ITGB8: variants seen among roughly 807,000 people sequenced by gnomAD.
The protein encoded by ITGB8 is integrin subunit beta 8.
In ITGB8, 30 loss-of-function variants were observed where a neutral mutation model predicts 89.5. The ratio of observed to expected loss-of-function variants is 0.34; its 90% CI spans 0.25 to 0.45. ITGB8 has a LOEUF of 0.45. ITGB8 is among the 20% of genes least tolerant of loss of function. The pLI is 1.00. For synonymous variants in ITGB8, 335 were observed against 320.4 expected (o/e 1.05, Z -0.49); for missense variants, 836 against 933.3 (o/e 0.90, Z 1.36).
At chr7:20,396,623 T>C (rs1410022681) in intron 8 of ITGB8, among the ~76,000 whole-genome samples, 2 of 151,994 alleles carry the variant, frequency 1.3e-5, no homozygotes, top group Admixed American at 6.6e-5. Context: ...AAGAGGGACT[T>C]ATCACAGAAA....
In ITGB8 at chr7:20,379,126, T is replaced by A; in HGVS notation, c.464T>A (p.Val155Asp). The A allele has an allele frequency of 6.2e-7, 1 of 1,600,898 alleles. No individual in the cohort carries two copies. The highest frequency in any genetic ancestry group is 8.5e-7 in the Non-Finnish European group (1 of 1,171,104). ...GTGGATCTTTATTATCTTGTTGATG[T>A]CTCAGCATCAATGCACAATAATATA... Reference protein sequence around the residue: ...YPVDLYYLVDVSASMHNNIEK... With the variant: ...YPVDLYYLVDDSASMHNNIEK... Residue 155 changes from valine to aspartate, a missense_variant, in exon 4 of 14, where the codon GTC becomes GAC. Val to Asp is a radical substitution (Grantham distance 152). Around this residue, in one of 5 missense-constraint regions of ITGB8, gnomAD observed 38 missense variants for 52.2 expected, o/e 0.73. Coordinates refer to ENST00000222573, the MANE Select transcript of ITGB8 (RefSeq NM_002214.3).
intron 3 of ITGB8, among the ~76,000 whole-genome samples, chr7:20,368,591 TCAGCAGCTTATATATA>T (rs1785800498): frequency 6.6e-6 from 1 of 152,212 alleles, no homozygotes; most frequent in South Asian, 2.1e-4. Flanking sequence ...ATGCCAATTT[TCAGCAGCTTATATATA>T]AAGCTTAACC....
intron 1 of ITGB8, among the ~76,000 whole-genome samples, chr7:20,345,964 A>C (rs1784909311): frequency 6.6e-6 from 1 of 152,202 alleles, no homozygotes; most frequent in South Asian, 2.1e-4. Flanking sequence ...TATATCAAGC[A>C]AGGAGGCAAC....
In ITGB8 at chr7:20,390,818, T is replaced by C. The variant is rs572391747; in HGVS notation, c.961-585T>C. On this transcript the variant is annotated intron_variant, in intron 6 of 13. Transcript: ENST00000222573. ...TACAGAAGATGGAATTGAGAACTTTTGTTGTAAGGTGACAAACCTAGGACT... is the reference window on the plus strand; with the variant it reads ...TACAGAAGATGGAATTGAGAACTTTCGTTGTAAGGTGACAAACCTAGGACT... Among the ~76,000 whole-genome samples, 7 of 152,236 alleles carry C rather than the reference T, an allele frequency of 4.6e-5. No homozygotes were observed. The South Asian group carries it at 1.4e-3, about 32-fold the overall frequency.
chr7:20,346,485 A>C (rs548430914), intron 1 of ITGB8: 1 of 153,168 alleles, frequency 6.5e-6, no homozygotes, highest in African/African-American at 2.4e-5. Context: ...TGGTGCAATA[A>C]ACAGGGATAA....
chr7:20,391,340 G>C, intron 6 of ITGB8, 63 bp from the exon 7 acceptor site: 2 of 793,382 alleles, frequency 2.5e-6, no homozygotes, highest in African/African-American at 1.8e-5. Flanking sequence ...CTTCATATTA[G>C]ATGTTTGAAT....
rs1485882925 is a variant in ITGB8 at position 20,415,380 on chromosome 7, T to C, written c.*5383T>C. On this transcript the variant is annotated 3_prime_UTR_variant, in exon 14 of 14. Transcript: ENST00000222573. ...TTGTAAAAATAAATTTAATATAGAA[T>C]ATATTTTTAAATTAAATATTTGAAT... The C allele has an allele frequency of 1.3e-5, 2 of 151,992 alleles. No homozygotes were observed. The highest frequency in any genetic ancestry group is 2.9e-5 in the Non-Finnish European group (2 of 67,856). 9.4% of individuals were successfully genotyped at this position (151,992 alleles called of 1,614,324 possible).
In ITGB8 at chr7:20,379,259, C is replaced by G; in HGVS notation, c.597C>G (p.Tyr199Ter). The G allele has an allele frequency of 6.2e-7, 1 of 1,608,100 alleles. No individual in the cohort carries two copies. The highest frequency in any genetic ancestry group is 8.5e-7 in the Non-Finnish European group (1 of 1,176,332). Residue 199 changes from tyrosine to a stop codon, truncating the protein, a stop_gained, in exon 4 of 14, where the codon TAC becomes TAG. Transcript: ENST00000222573. LOFTEE classifies it high-confidence loss of function. ...ACGTTGATAAAACAGTTTCACCATA[C>G]ATTAGCATCCACCCCGAAAGGATTC... is the stretch of plus-strand genomic sequence containing the variant. ...GSYVDKTVSP[Y>*]ISIHPERIHN...
At chr7:20,336,381 G>C (rs961963309) in intron 1 of ITGB8, among the ~76,000 whole-genome samples, 4 of 152,198 alleles carry the variant, frequency 2.6e-5, no homozygotes, top group Non-Finnish European at 5.9e-5. Context: ...TCCAGAAGGT[G>C]CAGCAAATTG....
chr7:20,382,284 G>A (rs2127963262), intron 6 of ITGB8, among the ~76,000 whole-genome samples: 1 of 152,260 alleles, frequency 6.6e-6, no homozygotes, highest in Non-Finnish European at 1.5e-5. Context: ...ACAATAGGTA[G>A]AAACTAAATA....
Position 20,363,678 on chromosome 7 carries a change from A to G in ITGB8, c.169A>G (p.Arg57Gly). 3 of 1,605,608 alleles carry G rather than the reference A, an allele frequency of 1.9e-6. No individual in the cohort carries two copies. Among genetic ancestry groups the G allele is most frequent in the African/African-American group, 1.3e-5 (1 of 74,546 alleles). The change falls in exon 2 of 14, where the codon AGG (arginine) becomes GGG (glycine). Residue 57 changes from arginine to glycine, a missense_variant. Physicochemically the swap from Arg to Gly is moderately radical, Grantham distance 125. Transcript: ENST00000222573. Reference sequence around the variant, plus strand: ...ATCTTCAAATGCAGCATCCTGTGCCAGGTGCCTTGCGCTGGGTCCAGAATG... The same window carrying G: ...ATCTTCAAATGCAGCATCCTGTGCCGGGTGCCTTGCGCTGGGTCCAGAATG... Reference protein sequence around the residue: ...CASSNAASCARCLALGPECGW... With the variant: ...CASSNAASCAGCLALGPECGW...
chr7:20,408,252 CA>C (rs1787625180), intron 12 of ITGB8, among the ~76,000 whole-genome samples: 1 of 151,976 alleles, frequency 6.6e-6, no homozygotes, highest in Admixed American at 6.6e-5. Flanking sequence ...CAATTTTGAG[CA>C]GAATATTTTG....
In ITGB8 at chr7:20,379,290, C is replaced by A; in HGVS notation, c.628C>A (p.Gln210Lys). Residue 210 changes from glutamine to lysine, a missense_variant, in exon 4 of 14, where the codon CAA (glutamine) becomes AAA (lysine). By Grantham distance (53) the Gln-to-Lys change is moderately conservative. Coordinates refer to ENST00000222573, the MANE Select transcript of ITGB8 (RefSeq NM_002214.3). ...ISIHPERIHN[Q>K]CSDYNLDCMP... ...CATCCACCCCGAAAGGATTCATAAT[C>A]AATGCAGGTATCTAGGGTTTGATGT... The A allele has an allele frequency of 1.3e-6, 2 of 1,593,980 alleles. No homozygotes were observed. Among genetic ancestry groups the A allele is most frequent in the South Asian group, 2.3e-5 (2 of 87,526 alleles).
Position 20,331,858 on chromosome 7 carries a change from A to G in ITGB8, c.52A>G (p.Asn18Asp). ...TACCGCTGCATTTGTCTGCCTGCAA[A>G]ACGACCGGCGAGGTCCCGCCTCGTT... ...FFTAAFVCLQ[N>D]DRRGPASFLW... The change falls in exon 1 of 14, where the codon AAC becomes GAC. Residue 18 changes from asparagine to aspartate, a missense_variant. Physicochemically the swap from Asn to Asp is conservative, Grantham distance 23. Transcript: ENST00000222573. The G allele has an allele frequency of 2.5e-6, 4 of 1,613,988 alleles. No homozygotes were observed. The highest frequency in any genetic ancestry group is 3.4e-6 in the Non-Finnish European group (4 of 1,180,026).
intron 3 of ITGB8, 152 bp downstream of exon 3, chr7:20,367,338 T>C (rs182080611): frequency 3.0e-6 from 2 of 659,070 alleles, no homozygotes; most frequent in African/African-American, 3.7e-5. Flanking sequence ...TTCTAGTCTT[T>C]ATAGTGCCTG....
chr7:20,371,277 T>C (rs971309904), intron 3 of ITGB8, among the ~76,000 whole-genome samples: 1 of 152,174 alleles, frequency 6.6e-6, no homozygotes, highest in Non-Finnish European at 1.5e-5. Context: ...TATGATTACA[T>C]TTTTAAAAAT....
At position 20,412,982 on chromosome 7, in the gene ITGB8, CA is replaced by C. The variant is rs1306704744; in HGVS notation, c.*2986del. The stretch of plus-strand genomic sequence containing the variant: ...AACTTGAACAACACTTTTAGTACTG[CA>C]GCATTTTTGTGCCCTAAAGTATGTA... On this transcript the variant is annotated 3_prime_UTR_variant, in exon 14 of 14. Transcript: ENST00000222573. 2 of 152,418 alleles carry C rather than the reference CA, an allele frequency of 1.3e-5. No homozygotes were observed. Among genetic ancestry groups the C allele is most frequent in the African/African-American group, 4.8e-5 (2 of 41,408 alleles). 9.4% of individuals were successfully genotyped at this position (152,418 alleles called of 1,614,324 possible).
intron 10 of ITGB8, among the ~76,000 whole-genome samples, chr7:20,403,214 G>C (rs1490641143): frequency 6.6e-6 from 1 of 152,152 alleles, no homozygotes; most frequent in African/African-American, 2.4e-5. Context: ...TCATGGGTAG[G>C]ATGGATTATA....
intron 1 of ITGB8, among the ~76,000 whole-genome samples, chr7:20,338,774 T>G (rs199976118): frequency 6.6e-6 from 1 of 152,244 alleles, no homozygotes; most frequent in Non-Finnish European, 1.5e-5. Flanking sequence ...AAATCCCTTT[T>G]GGTAATCTTT....
Sources: gnomAD v4.1 joint callset for allele counts (sites outside exome capture counted in the v4.1 genomes callset) on GRCh38, gnomAD v4.1.1 for gene constraint, gnomAD v4.1.1 regional missense constraint, MANE v1.5 for transcripts, NCBI Gene and HGNC (gene_info 2026-07-23, HGNC 2026-07-21) for gene names.